UEVLD: variants seen among roughly 807,000 people sequenced by gnomAD.
The protein encoded by UEVLD is ubiquitin-conjugating enzyme E2 variant 3.
Under a neutral mutation model 58.6 loss-of-function variants are expected in UEVLD, and 47 were observed. That is an observed-to-expected ratio of 0.80 (90% CI 0.63 to 1.02). The LOEUF is 1.02. UEVLD is among the 50% of genes least tolerant of loss of function. The pLI, the probability that UEVLD is intolerant of heterozygous loss-of-function variation, is 0.00. For synonymous variants in UEVLD, 197 were observed against 195.3 expected, an observed-to-expected ratio of 1.01 and a Z score of -0.07; for missense variants, 510 against 550.6, an observed-to-expected ratio of 0.93 and a Z score of 0.74.
rs558816270 is a variant in UEVLD, at chr11:18,570,045, T to C, written c.357+169A>G. The C allele has an allele frequency of 1.0e-4, 69 of 664,772 alleles. No individual in the cohort carries two copies. In the East Asian group the frequency reaches 2.5e-3, roughly 24 times the overall value. The allele number at this position is 664,772 out of a possible 1,614,324, so 41.2% of individuals were successfully genotyped here. On this transcript the variant is annotated intron_variant, in intron 4 of 11. Transcript: ENST00000396197. ...GTACAGGCAGTTGTCATCAGGGTTC[T>C]GGGACTTGGGTAACCCTAGAGAGCT... is the stretch of plus-strand genomic sequence containing the variant.
intron 10 of UEVLD, among the ~76,000 whole-genome samples, chr11:18,536,158 G>A (rs954024060): frequency 7.2e-5 from 11 of 152,130 alleles, no homozygotes; most frequent in Admixed American, 6.5e-4. Flanking sequence ...GTAAATCACT[G>A]TCTACAAATA....
Position 18,534,306 on chromosome 11 carries a change from TAAGAG to T in UEVLD, c.1248+19_1248+23del. ...AATAATATCTAAGTTTAAAATATAA[TAAGAG>T]AATAAGAATAGCAATTACCTTTGCT... On this transcript the variant is annotated intron_variant, in intron 11 of 11. Coordinates refer to ENST00000396197, the MANE Select transcript of UEVLD (RefSeq NM_001040697.4). 1 of 1,457,568 alleles carries T rather than the reference TAAGAG, an allele frequency of 6.9e-7. No individual in the cohort carries two copies. The allele number at this position is 1,457,568 out of a possible 1,614,324, so 90.3% of individuals were successfully genotyped here.
chr11:18,557,838 C>A (rs1443758245), intron 7 of UEVLD, among the ~76,000 whole-genome samples: 1 of 152,122 alleles, frequency 6.6e-6, no homozygotes, highest in African/African-American at 2.4e-5. Context: ...TATAATCTGA[C>A]AAATGTCAGC....
chr11:18,579,425 T>C (rs1733567474), intron 1 of UEVLD: 1 of 984,974 alleles, frequency 1.0e-6, no homozygotes, highest in Non-Finnish European at 1.2e-6. Context: ...TGCCTCCAAA[T>C]ACCTCCAGAC....
chr11:18,570,056 TAA>T lies in UEVLD; in HGVS notation c.357+156_357+157del, dbSNP rs1202473091. On this transcript the variant is annotated intron_variant, in intron 4 of 11. Coordinates refer to ENST00000396197, the MANE Select transcript of UEVLD (RefSeq NM_001040697.4). ...TGTCATCAGGGTTCTGGGACTTGGGTAACCCTAGAGAGCTCAATTTCAAATTA... is the reference window on the plus strand; with the variant it reads ...TGTCATCAGGGTTCTGGGACTTGGGTCCCTAGAGAGCTCAATTTCAAATTA... 1.3e-5 allele frequency: 10 copies of T among 764,728 alleles called. No homozygotes were observed. The African/African-American group carries it at 1.7e-4, about 13-fold the overall frequency. 47.4% of individuals were successfully genotyped at this position (764,728 alleles called of 1,614,324 possible).
At chr11:18,582,006 T>C (rs1008307930) in intron 1 of UEVLD, among the ~76,000 whole-genome samples, 1 of 152,152 alleles carries the variant, frequency 6.6e-6, no homozygotes, top group Non-Finnish European at 1.5e-5. Context: ...GAGTCCTAGA[T>C]TCAGTGCCCA....
At chr11:18,550,895 A>C (rs1851494831) in intron 7 of UEVLD, among the ~76,000 whole-genome samples, 1 of 152,298 alleles carries the variant, frequency 6.6e-6, no homozygotes, top group East Asian at 1.9e-4. Context: ...TTTTACTTAA[A>C]TATATAAGGG....
At chr11:18,575,529 C>A in intron 2 of UEVLD, 117 bp from the exon 3 acceptor site, 1 of 911,056 alleles carries the variant, frequency 1.1e-6, no homozygotes, top group Non-Finnish European at 1.7e-6. Flanking sequence ...AATACACACA[C>A]AATCTCTAAA....
At chr11:18,553,141 T>G (rs1590333042) in intron 7 of UEVLD, among the ~76,000 whole-genome samples, 6 of 100,190 alleles carry the variant, frequency 6.0e-5, no homozygotes, top group Non-Finnish European at 7.6e-5. Flanking sequence ...GGTGACAGAG[T>G]GAGGTTCCGT....
In UEVLD at chr11:18,532,291, A is replaced by G. The variant is rs1435780577; in HGVS notation, c.*29T>C. 3 of 1,580,208 alleles carry G rather than the reference A, an allele frequency of 1.9e-6. No homozygotes were observed. In the African/African-American group the frequency reaches 4.1e-5, roughly 22 times the overall value. On this transcript the variant is annotated 3_prime_UTR_variant, in exon 12 of 12. Transcript: ENST00000396197. ...TAAATGACTTTTCCCTTTAGGTAGA[A>G]GTCCAGCCTCTCAAATTGCATTTGA...
chr11:18,577,931 C>CA (rs1048035152), intron 2 of UEVLD, among the ~76,000 whole-genome samples: 1 of 149,082 alleles, frequency 6.7e-6, no homozygotes, highest in African/African-American at 2.5e-5. Context: ...CTTAGAAAAC[C>CA]AAATTCTTAC....
rs572555079 is a variant in UEVLD at position 18,569,321 on chromosome 11, C to T, written c.357+893G>A. ...GCAAAGGTTTGTTTTAAGGATAATA[C>T]CTTCTATTAGAGAAAAGGTACTGTA... On this transcript the variant is annotated intron_variant, in intron 4 of 11. Transcript: ENST00000396197. 2.0e-4 allele frequency among the ~76,000 whole-genome samples: 30 copies of T among 152,202 alleles called. No homozygotes were observed. The East Asian group carries it at 5.2e-3, about 26-fold the overall frequency.
At chr11:18,543,287 T>G (rs1164309450) in intron 9 of UEVLD, among the ~76,000 whole-genome samples, 1 of 152,150 alleles carries the variant, frequency 6.6e-6, no homozygotes, top group African/African-American at 2.4e-5. Context: ...TAATGACTAA[T>G]TTTCCCCAGA....
intron 3 of UEVLD, 39 bp downstream of exon 3, chr11:18,575,308 T>C (rs1416247346): frequency 3.2e-6 from 5 of 1,573,476 alleles, no homozygotes; most frequent in Non-Finnish European, 4.3e-6. Flanking sequence ...GAACTGCTCT[T>C]TTAGAAAACT....
chr11:18,546,882 G>A lies in UEVLD; in HGVS notation c.884C>T (p.Pro295Leu), dbSNP rs61752315. 21 of 1,612,214 alleles carry A rather than the reference G, an allele frequency of 1.3e-5. No individual in the cohort carries two copies. The highest frequency in any genetic ancestry group is 1.5e-5 in the Non-Finnish European group (18 of 1,179,704). The change falls in exon 8 of 12, where the codon CCA becomes CTA. Residue 295 changes from proline (P) to leucine (L), a missense_variant and splice_region_variant. By Grantham distance (98) the Pro-to-Leu change is moderately conservative (BLOSUM62 -3). Coordinates refer to ENST00000396197, the MANE Select transcript of UEVLD (RefSeq NM_001040697.4). ...QHSVLLVASQ[P>L]VEIMTYVTWK... is the part of the protein sequence containing the mutation. Reference sequence around the variant, plus strand: ...TAATTTAAAATAAAGCATTTTACCTGGTTGAGATGCAACGAGCAGGACACT... The same window carrying A: ...TAATTTAAAATAAAGCATTTTACCTAGTTGAGATGCAACGAGCAGGACACT...
chr11:18,570,712 C>T (rs893074374), intron 3 of UEVLD: 1 of 153,526 alleles, frequency 6.5e-6, no homozygotes, highest in African/African-American at 2.5e-5. Context: ...TGTCACTGCA[C>T]TCCAGCCTGG....
intron 7 of UEVLD, among the ~76,000 whole-genome samples, chr11:18,550,718 G>A (rs1451598933): frequency 6.6e-6 from 1 of 152,130 alleles, no homozygotes; most frequent in Admixed American, 6.5e-5. Context: ...ATGAATAACT[G>A]TTTATATATT....
chr11:18,539,896 C>G (rs960770411), intron 9 of UEVLD, among the ~76,000 whole-genome samples: 2 of 152,250 alleles, frequency 1.3e-5, no homozygotes, highest in African/African-American at 4.8e-5. Context: ...GTAGCTGTCA[C>G]TTGTCTCTGA....
chr11:18,568,069 C>T (rs1052325670), intron 4 of UEVLD, among the ~76,000 whole-genome samples: 1 of 152,096 alleles, frequency 6.6e-6, no homozygotes, highest in African/African-American at 2.4e-5. Context: ...CACTTGAGCC[C>T]AGGAATTTGA....
Sources: gnomAD v4.1 joint callset for allele counts (sites outside exome capture counted in the v4.1 genomes callset) on GRCh38, gnomAD v4.1.1 for gene constraint, MANE v1.5 for transcripts, NCBI Gene and HGNC (gene_info 2026-07-23, HGNC 2026-07-21) for gene names.